TANC2: variants seen among roughly 807,000 people sequenced by gnomAD.
TANC2 encodes tetratricopeptide repeat, ankyrin repeat and coiled-coil containing 2.
Under a neutral mutation model 210.5 loss-of-function variants are expected in TANC2, and 26 were observed. The ratio of observed to expected loss-of-function variants is 0.12; its 90% CI spans 0.09 to 0.17. TANC2 has a LOEUF of 0.17. Among genes scored for constraint, TANC2 ranks in the 10% least tolerant of loss-of-function variants. The pLI, the probability that TANC2 is intolerant of heterozygous loss-of-function variation, is 1.00. For missense variants in TANC2, 2,129 were observed against 2,608.9 expected, an observed-to-expected ratio of 0.82 and a Z score of 4.01; for synonymous variants, 931 against 967.1, an observed-to-expected ratio of 0.96 and a Z score of 0.69.
chr17:63,316,519 A>C (rs2045318478), intron 10 of TANC2, among the ~76,000 whole-genome samples: 1 of 152,210 alleles, frequency 6.6e-6, no homozygotes, highest in African/African-American at 2.4e-5. Flanking sequence ...TCACTAAGTT[A>C]TTCTCTAACA....
chr17:63,017,558 A>G (rs1055179425), intron 2 of TANC2, among the ~76,000 whole-genome samples: 1 of 152,168 alleles, frequency 6.6e-6, no homozygotes, highest in African/African-American at 2.4e-5. Context: ...TCTATTCGAA[A>G]TGGTTCCCCT....
chr17:63,117,039 G>A (rs1416279479), intron 4 of TANC2: 1 of 152,116 alleles, frequency 6.6e-6, no homozygotes, highest in South Asian at 2.1e-4. Context: ...AAGGCATGAG[G>A]AGCTTACAGC....
chr17:63,245,979 C>T (rs1352002030), intron 8 of TANC2, among the ~76,000 whole-genome samples: 1 of 150,700 alleles, frequency 6.6e-6, no homozygotes, highest in Non-Finnish European at 1.5e-5. Flanking sequence ...CAGTGCACTC[C>T]AGCCTGGGAT....
At chr17:62,996,818 T>C (rs944820015) in intron 1 of TANC2, among the ~76,000 whole-genome samples, 2 of 150,112 alleles carry the variant, frequency 1.3e-5, no homozygotes, top group African/African-American at 4.9e-5. Context: ...TTTCTTTTTC[T>C]TTGTTTTTTT....
intron 7 of TANC2, among the ~76,000 whole-genome samples, chr17:63,217,723 G>A (rs1389403427): frequency 6.6e-6 from 1 of 152,140 alleles, no homozygotes; most frequent in Non-Finnish European, 1.5e-5. Flanking sequence ...CAACTAGGAG[G>A]CCAATATTGT....
chr17:63,330,911 A>G (rs539796376), intron 11 of TANC2, among the ~76,000 whole-genome samples: 1 of 152,304 alleles, frequency 6.6e-6, no homozygotes, highest in South Asian at 2.1e-4. Flanking sequence ...CCCCATCTCT[A>G]CTAAAAATAC....
At position 63,412,657 on chromosome 17, in the gene TANC2, T is replaced by C. The variant is rs2048740767; in HGVS notation, c.3899-23T>C. ...ATTTTTTTTTCCTCTCCTACAACTT[T>C]TTGTTTTCTCCTTTCTTTGAAGGTT... On this transcript the variant is annotated intron_variant, in intron 23 of 27. Transcript: ENST00000689528. This position sits in a 1 kb window ranked among gnomAD's most constrained non-coding sequence, Gnocchi z 4.2. 1.3e-6 allele frequency: 2 copies of C among 1,534,336 alleles called. No individual in the cohort carries two copies. The highest frequency in any genetic ancestry group is 2.7e-5 in the African/African-American group (2 of 72,818).
At position 63,184,992 on chromosome 17, in the gene TANC2, G is replaced by C. The variant is rs184850501; in HGVS notation, c.434-8999G>C. On this transcript the variant is annotated intron_variant, in intron 5 of 27. Transcript: ENST00000689528. The stretch of plus-strand genomic sequence containing the variant: ...GTAATACGGTTTTTTTTTTTTGGAG[G>C]GGGGGTTGGGGACAGAGTGTGAGAC... Among the ~76,000 whole-genome samples, 101 of 150,394 alleles carry C rather than the reference G, an allele frequency of 6.7e-4. No homozygotes were observed. The South Asian group carries it at 7.6e-3, about 11-fold the overall frequency.
In TANC2 at chr17:63,123,826, C is replaced by T. The variant is rs547598382; in HGVS notation, c.322+24469C>T. Among the ~76,000 whole-genome samples, 6 of 151,100 alleles carry T rather than the reference C, an allele frequency of 4.0e-5. No homozygotes were observed. The East Asian group carries it at 1.0e-3, about 25-fold the overall frequency. ...CAAGCAATTCTCTGCCTCAGCCTCC[C>T]GAGTAGCTGGGATTACAGGTACCTG... is the stretch of plus-strand genomic sequence containing the variant. On this transcript the variant is annotated intron_variant, in intron 4 of 27. Transcript: ENST00000689528.
rs188938501 is a variant in TANC2 at position 62,970,778 on chromosome 17, C to T, written c.-24+4029C>T. Among the ~76,000 whole-genome samples the T allele has an allele frequency of 3.3e-3, 504 of 152,070 alleles. 5 individuals are homozygous for T. Among genetic ancestry groups the T allele is most frequent in the African/African-American group, 0.012 (492 of 41,514 alleles). On this transcript the variant is annotated intron_variant, in intron 1 of 27. Transcript: ENST00000689528. ...CTGAATATTGTTGGATTGAACTTAC[C>T]CAGAATCACCAATGTTAGCTGGGAT...
chr17:63,300,003 C>T (rs1448155386), intron 9 of TANC2, among the ~76,000 whole-genome samples: 1 of 152,122 alleles, frequency 6.6e-6, no homozygotes, highest in Non-Finnish European at 1.5e-5. Context: ...CTGCATATGG[C>T]TAGCCAGTTT....
intron 5 of TANC2, among the ~76,000 whole-genome samples, chr17:63,173,432 G>A (rs1299948177): frequency 1.3e-5 from 2 of 152,158 alleles, no homozygotes; most frequent in African/African-American, 4.8e-5. Flanking sequence ...ATTATTAACT[G>A]ATGACCTCTC....
intron 5 of TANC2, among the ~76,000 whole-genome samples, chr17:63,177,609 A>G (rs2040634182): frequency 6.6e-6 from 1 of 152,186 alleles, no homozygotes; most frequent in South Asian, 2.1e-4. Flanking sequence ...ACCAAAAATA[A>G]GCACTTTAAA....
Position 63,420,877 on chromosome 17 carries a change from C to T in TANC2, c.5147C>T (p.Ala1716Val), listed in dbSNP as rs200863591. ...TCAAGCACCGTCATCCCCACAGGAGCCTATGGCCAAGTAGCCCATTCAATG... is the reference window on the plus strand; with the variant it reads ...TCAAGCACCGTCATCCCCACAGGAGTCTATGGCCAAGTAGCCCATTCAATG... Residue 1716 changes from alanine to valine, a missense_variant, in exon 28 of 28, where the codon GCC becomes GTC. Transcript: ENST00000689528. This position sits in a 1 kb window ranked among gnomAD's most constrained non-coding sequence, Gnocchi z 4.2. 1 of 1,614,020 alleles carries T rather than the reference C, an allele frequency of 6.2e-7. No individual in the cohort carries two copies. Among genetic ancestry groups the T allele is most frequent in the East Asian group, 2.2e-5 (1 of 44,876 alleles).
exon 28 of TANC2, chr17:63,423,486 T>C (rs1418631794): frequency 3.9e-5 from 6 of 152,352 alleles, no homozygotes; most frequent in Non-Finnish European, 7.3e-5. Flanking sequence ...ACTAAGCAAC[T>C]GAAACGAAAC....
intron 8 of TANC2, among the ~76,000 whole-genome samples, chr17:63,262,905 G>T (rs1408209567): frequency 6.6e-6 from 1 of 152,092 alleles, no homozygotes; most frequent in East Asian, 1.9e-4. Context: ...ACTTCAGAAT[G>T]CTGAGATAAA....
intron 9 of TANC2, among the ~76,000 whole-genome samples, chr17:63,286,907 G>T (rs1220652944): frequency 6.6e-6 from 1 of 151,760 alleles, no homozygotes; most frequent in African/African-American, 2.4e-5. Flanking sequence ...ACTTCAGCTG[G>T]GTGTGTGTGT....
intron 1 of TANC2, chr17:62,978,628 G>A (rs1240254700): frequency 6.6e-6 from 1 of 152,222 alleles, no homozygotes; most frequent in Non-Finnish European, 1.5e-5. Context: ...CCTTTTAAGA[G>A]TACCAATTTG....
chr17:63,157,916 A>C (rs2039893273), intron 5 of TANC2, among the ~76,000 whole-genome samples: 1 of 152,122 alleles, frequency 6.6e-6, no homozygotes, highest in Non-Finnish European at 1.5e-5. Flanking sequence ...ACCTGGCCTC[A>C]TAATGTTTTA....
Sources: gnomAD v4.1 joint callset for allele counts (sites outside exome capture counted in the v4.1 genomes callset) on GRCh38, gnomAD v4.1.1 for gene constraint, Gnocchi (gnomAD v3.1) non-coding constraint, MANE v1.5 for transcripts, NCBI Gene and HGNC (gene_info 2026-07-23, HGNC 2026-07-21) for gene names.